Variants in RIC1 observed in about 807,000 individuals in gnomAD.
RIC1 encodes the protein RIC1 partner of RAB6A GEF complex.
A neutral mutation model predicts 169.0 loss-of-function variants in RIC1; 88 were observed. The ratio of observed to expected loss-of-function variants is 0.52; its 90% CI spans 0.44 to 0.62. The LOEUF (loss-of-function observed/expected upper bound fraction) is 0.62. Ranked by LOEUF, RIC1 falls within the 20% of genes least tolerant of loss-of-function variation. The probability of loss-of-function intolerance (pLI) is 0.00; values close to 1 mark genes in which losing one functional copy is unlikely to be tolerated. For synonymous variants in RIC1, 790 were observed against 601.5 expected, an observed-to-expected ratio of 1.31 and a Z score of -4.59; for missense variants, 1,877 against 1,725.5, an observed-to-expected ratio of 1.09 and a Z score of -1.56.
At chr9:5,738,365 C>A in intron 7 of RIC1, 85 bp from the exon 8 acceptor site, 1 of 901,816 alleles carries the variant, frequency 1.1e-6, no homozygotes, top group Non-Finnish European at 1.7e-6. Context: ...TACACTCCCA[C>A]CAGCAAAACA....
At chr9:5,681,354 T>C (rs1403092676) in intron 2 of RIC1, among the ~76,000 whole-genome samples, 1 of 152,222 alleles carries the variant, frequency 6.6e-6, no homozygotes, top group Non-Finnish European at 1.5e-5. Context: ...AGATTCTGGT[T>C]ATGTTGTGTC....
At chr9:5,761,081 C>G (rs1303876054) in intron 17 of RIC1, among the ~76,000 whole-genome samples, 1 of 144,818 alleles carries the variant, frequency 6.9e-6, no homozygotes, top group Non-Finnish European at 1.5e-5. Flanking sequence ...ATCTGTCTGT[C>G]TCCTTCAGTT....
chr9:5,713,675 C>A (rs1823066347), intron 3 of RIC1: 2 of 290,280 alleles, frequency 6.9e-6, no homozygotes, highest in Non-Finnish European at 6.4e-6. Flanking sequence ...TTCTTCCCAC[C>A]CTCCTAACAC....
chr9:5,745,808 A>G (rs757612087), intron 10 of RIC1, 123 bp from the exon 11 acceptor site: 40 of 799,674 alleles, frequency 5.0e-5, no homozygotes, highest in Non-Finnish European at 6.2e-5. Flanking sequence ...GGTTTCTCCA[A>G]CCTTCACAAA....
At chr9:5,630,955 C>G (rs1286603962) in intron 1 of RIC1, among the ~76,000 whole-genome samples, 1 of 152,072 alleles carries the variant, frequency 6.6e-6, no homozygotes, top group Admixed American at 6.5e-5. Context: ...TACATAATTC[C>G]TTTTGAATGT....
chr9:5,666,160 G>A (rs1819743706), intron 2 of RIC1, among the ~76,000 whole-genome samples: 1 of 152,170 alleles, frequency 6.6e-6, no homozygotes. Context: ...ACCCCATGAG[G>A]AGGAGTGGAT....
At chr9:5,771,587 G>T (rs916399448) in intron 23 of RIC1, among the ~76,000 whole-genome samples, 1 of 143,344 alleles carries the variant, frequency 7.0e-6, no homozygotes, top group Non-Finnish European at 1.6e-5. Flanking sequence ...CATTTTTTTT[G>T]AGGAATCGCC....
rs959421857 is a variant in RIC1, at chr9:5,769,214, T to C, written c.3382T>C (p.Ser1128Pro). 2.5e-6 allele frequency: 4 copies of C among 1,614,002 alleles called. No homozygotes were observed. Among genetic ancestry groups the C allele is most frequent in the Non-Finnish European group, 3.4e-6 (4 of 1,179,986 alleles). Residue 1128 changes from serine (S) to proline (P), a missense_variant, in exon 22 of 26, where the codon TCT becomes CCT. Around this residue, in one of 3 missense-constraint regions of RIC1, gnomAD observed 681 missense variants for 582.0 expected, o/e 1.17. Transcript: ENST00000414202. Reference sequence around the variant, plus strand: ...GTGGCCACTTCCAATCATCCCAGCCTCTTCTATCAGTTCTCCTTTCAAAAA... The same window carrying C: ...GTGGCCACTTCCAATCATCCCAGCCCCTTCTATCAGTTCTCCTTTCAAAAA... ...FLWPLPIIPA[S>P]SISSPFKNGK...
intron 1 of RIC1, among the ~76,000 whole-genome samples, chr9:5,649,905 G>T (rs1466701696): frequency 2.6e-5 from 4 of 152,042 alleles, no homozygotes; most frequent in East Asian, 3.9e-4. Flanking sequence ...TTGATTCTGG[G>T]TGTGTGCAGT....
Position 5,708,696 on chromosome 9 carries a change from C to T in RIC1, c.333-5200C>T, listed in dbSNP as rs1022071646. The stretch of plus-strand genomic sequence containing the variant: ...TTCAAGATTCTCTTCGTTTTTTTGA[C>T]AGTTTGAACATGATGTGTCTCTGTG... On this transcript the variant is annotated intron_variant, in intron 3 of 25. Coordinates refer to ENST00000414202, the MANE Select transcript of RIC1 (RefSeq NM_020829.4). Among the ~76,000 whole-genome samples, 3 of 152,098 alleles carry T rather than the reference C, an allele frequency of 2.0e-5. No individual in the cohort carries two copies. In the East Asian group the frequency reaches 5.8e-4, roughly 29 times the overall value.
chr9:5,702,176 C>T (rs894728517), intron 3 of RIC1, among the ~76,000 whole-genome samples: 9 of 152,138 alleles, frequency 5.9e-5, no homozygotes, highest in African/African-American at 2.2e-4. Flanking sequence ...AAAGGAGCTA[C>T]AGATAAATAG....
intron 2 of RIC1, among the ~76,000 whole-genome samples, chr9:5,670,585 G>T (rs1820028600): frequency 6.6e-6 from 1 of 152,000 alleles, no homozygotes; most frequent in African/African-American, 2.4e-5. Context: ...CTCCTTTTAT[G>T]ATTTTTTGAG....
rs913539701 is a variant in RIC1, at chr9:5,763,500, C to G, written c.2473C>G (p.Gln825Glu). Residue 825 changes from glutamine to glutamate, a missense_variant, in exon 19 of 26, where the codon CAG becomes GAG. Gln to Glu is a conservative substitution (Grantham distance 29). Around this residue, in one of 3 missense-constraint regions of RIC1, gnomAD observed 92 missense variants for 151.5 expected, o/e 0.61. Transcript: ENST00000414202. This position sits in a 1 kb window ranked among gnomAD's most constrained non-coding sequence, Gnocchi z 5.2. ...TTTCTGTGTTGTGGAGAGAACCTCT[C>G]AGATCTACCTCCACCACATTCTACG... The part of the protein sequence containing the change: ...FPFCVVERTS[Q>E]IYLHHILRQL... 1 of 1,614,174 alleles carries G rather than the reference C, an allele frequency of 6.2e-7. No homozygotes were observed. Among genetic ancestry groups the G allele is most frequent in the Non-Finnish European group, 8.5e-7 (1 of 1,180,024 alleles).
At chr9:5,675,370 G>A (rs1407878678) in intron 2 of RIC1, among the ~76,000 whole-genome samples, 1 of 152,126 alleles carries the variant, frequency 6.6e-6, no homozygotes, top group East Asian at 1.9e-4. Flanking sequence ...AGGAAGTTAA[G>A]TTTAAAAGTA....
intron 2 of RIC1, among the ~76,000 whole-genome samples, chr9:5,682,720 G>C (rs945787024): frequency 2.6e-5 from 4 of 152,002 alleles, no homozygotes; most frequent in Non-Finnish European, 4.4e-5. Flanking sequence ...TGCTAGATTG[G>C]GGAAGTTCTC....
rs1038689911 is a variant in RIC1, at chr9:5,630,415, A to G, written c.144+962A>G. Among the ~76,000 whole-genome samples the G allele has an allele frequency of 7.9e-5, 12 of 152,110 alleles. 1 individual carries two copies. Among genetic ancestry groups the G allele is most frequent in the Admixed American group, 6.5e-4 (10 of 15,268 alleles). On this transcript the variant is annotated intron_variant, in intron 1 of 25. Transcript: ENST00000414202. ...TCCAAGTTAATTTGACCATGTGGGGATAGGTTGTGATCTTGTCCTTATTAG... is the reference window on the plus strand; with the variant it reads ...TCCAAGTTAATTTGACCATGTGGGGGTAGGTTGTGATCTTGTCCTTATTAG...
rs967866091 is a variant in RIC1, at chr9:5,641,459, A to G, written c.144+12006A>G. 4.6e-5 allele frequency among the ~76,000 whole-genome samples: 7 copies of G among 152,042 alleles called. No homozygotes were observed. The East Asian group carries it at 5.8e-4, about 13-fold the overall frequency. On this transcript the variant is annotated intron_variant, in intron 1 of 25. Coordinates refer to ENST00000414202, the MANE Select transcript of RIC1 (RefSeq NM_020829.4). ...GTAACCTTCTCATACTTGAATGCAG[A>G]TATCTTTCTCTAGGTTTGGGAAGTT...
intron 2 of RIC1, among the ~76,000 whole-genome samples, chr9:5,668,531 A>G (rs79363449): frequency 6.6e-6 from 1 of 152,018 alleles, no homozygotes; most frequent in African/African-American, 2.4e-5. Context: ...TGTTGTTGTG[A>G]TTAATGGTGC....
intron 21 of RIC1, 39 bp from the exon 22 acceptor site, chr9:5,768,930 TA>T: frequency 6.4e-7 from 1 of 1,561,236 alleles, no homozygotes; most frequent in Non-Finnish European, 8.6e-7. Flanking sequence ...AATCCTCCAG[TA>T]AAGATTATTC....
Sources: allele counts gnomAD v4.1 joint callset (sites outside exome capture counted in the v4.1 genomes callset), GRCh38; gene constraint gnomAD v4.1.1; regional missense constraint gnomAD v4.1.1; non-coding constraint Gnocchi (gnomAD v3.1); transcripts MANE v1.5; gene names NCBI Gene and HGNC (gene_info 2026-07-23, HGNC 2026-07-21).